SRPK2: variants seen among roughly 807,000 people sequenced by gnomAD.
SRPK2 encodes SFRS protein kinase 2.
A neutral mutation model predicts 90.8 loss-of-function variants in SRPK2; 21 were observed. The ratio of observed to expected loss-of-function variants is 0.23; its 90% CI spans 0.16 to 0.33. The LOEUF is 0.33. Among genes scored for constraint, SRPK2 ranks in the 10% least tolerant of loss-of-function variants. The pLI is 1.00. For synonymous variants in SRPK2, 288 were observed against 311.1 expected, an observed-to-expected ratio of 0.93 and a Z score of 0.78; for missense variants, 620 against 869.0, an observed-to-expected ratio of 0.71 and a Z score of 3.60.
chr7:105,176,775 A>G (rs531290833), intron 3 of SRPK2, among the ~76,000 whole-genome samples: 22 of 142,274 alleles, frequency 1.5e-4, no homozygotes, highest in South Asian at 4.3e-4. Context: ...GTGTGTGTGT[A>G]TATATATATA....
At chr7:105,273,731 T>G (rs968089002) in intron 2 of SRPK2, among the ~76,000 whole-genome samples, 1 of 152,216 alleles carries the variant, frequency 6.6e-6, no homozygotes, top group African/African-American at 2.4e-5. Context: ...TCAGTCCCCA[T>G]GAGACCATTG....
intron 3 of SRPK2, 53 bp from the exon 4 acceptor site, chr7:105,169,318 T>G: frequency 7.4e-7 from 1 of 1,343,302 alleles, no homozygotes; most frequent in South Asian, 1.2e-5. Context: ...AAAGTAGTAA[T>G]AAACATTTCA....
intron 2 of SRPK2, among the ~76,000 whole-genome samples, chr7:105,212,777 C>G (rs915731904): frequency 6.6e-6 from 1 of 152,188 alleles, no homozygotes; most frequent in African/African-American, 2.4e-5. Flanking sequence ...TGATTAAAAA[C>G]TGGAACTCAG....
In SRPK2 at chr7:105,315,373, A is replaced by G. The variant is rs1812198596; in HGVS notation, c.71+73275T>C. ...TTTGAGATGCTGGGCAATTCATTTA[A>G]GCTCTCTGGACCTGTTTCTTAACAG... On this transcript the variant is annotated intron_variant, in intron 2 of 15. Coordinates refer to ENST00000393651, the MANE Select transcript of SRPK2 (RefSeq NM_182692.3). Among the ~76,000 whole-genome samples, 5 of 152,354 alleles carry G rather than the reference A, an allele frequency of 3.3e-5. No individual in the cohort carries two copies. The South Asian group carries it at 1.0e-3, about 32-fold the overall frequency.
intron 3 of SRPK2, among the ~76,000 whole-genome samples, chr7:105,185,632 AG>A (rs568307990): frequency 1.1e-3 from 175 of 152,338 alleles, no homozygotes; most frequent in African/African-American, 4.1e-3. Context: ...AAAATGAGAA[AG>A]AGAAAAAAGG....
At chr7:105,167,262 T>C in intron 6 of SRPK2, 115 bp downstream of exon 6, 2 of 803,434 alleles carry the variant, frequency 2.5e-6, no homozygotes, top group Non-Finnish European at 3.9e-6. Context: ...CTTGACAATG[T>C]TCCTAGAGTG....
chr7:105,266,867 T>C (rs141742878), intron 2 of SRPK2, among the ~76,000 whole-genome samples: 5 of 152,302 alleles, frequency 3.3e-5, no homozygotes, highest in African/African-American at 4.8e-5. Context: ...TTCATTACCA[T>C]ATGACTTTTA....
At chr7:105,306,354 A>C (rs1203211233) in intron 2 of SRPK2, 2 of 361,652 alleles carry the variant, frequency 5.5e-6, no homozygotes, top group Non-Finnish European at 1.1e-5. Context: ...TCAGAATATT[A>C]ACAAAAGTCA....
intron 1 of SRPK2, 29 bp downstream of exon 1, chr7:105,388,761 CG>C: frequency 6.5e-7 from 1 of 1,531,258 alleles, no homozygotes; most frequent in Non-Finnish European, 8.8e-7. Context: ...GGCCGCGTGG[CG>C]GGGAGAGGGC....
intron 7 of SRPK2, among the ~76,000 whole-genome samples, chr7:105,159,188 C>T (rs1249295232): frequency 1.3e-5 from 2 of 151,842 alleles, no homozygotes; most frequent in Non-Finnish European, 2.9e-5. Flanking sequence ...GAATAAGCTG[C>T]CAATTTTCCA....
chr7:105,354,918 T>C (rs1358894583), intron 2 of SRPK2, among the ~76,000 whole-genome samples: 1 of 152,170 alleles, frequency 6.6e-6, no homozygotes, highest in Non-Finnish European at 1.5e-5. Context: ...CCACCAGCTC[T>C]AGGTAACCAT....
chr7:105,380,404 T>C (rs1044672584), intron 2 of SRPK2, among the ~76,000 whole-genome samples: 2 of 152,144 alleles, frequency 1.3e-5, no homozygotes, highest in African/African-American at 4.8e-5. Context: ...CAATGCACTT[T>C]ACATACATGC....
chr7:105,327,284 T>G (rs1813704441), intron 2 of SRPK2, among the ~76,000 whole-genome samples: 1 of 152,232 alleles, frequency 6.6e-6, no homozygotes, highest in Non-Finnish European at 1.5e-5. Context: ...AATTCAAAGT[T>G]CTGTGTCCAT....
intron 2 of SRPK2, among the ~76,000 whole-genome samples, chr7:105,245,266 T>C (rs921572958): frequency 6.6e-6 from 1 of 152,114 alleles, no homozygotes. Flanking sequence ...GATGGTGCTC[T>C]AGGAGGCAGC....
intron 1 of SRPK2, among the ~76,000 whole-genome samples, chr7:105,396,419 C>T (rs184634850): frequency 5.9e-5 from 9 of 151,562 alleles, no homozygotes; most frequent in Admixed American, 3.3e-4. Context: ...AGGCAGATCA[C>T]GAGGTCAGGA....
At chr7:105,387,917 G>T (rs902112540) in intron 2 of SRPK2, among the ~76,000 whole-genome samples, 132 of 152,322 alleles carry the variant, frequency 8.7e-4, no homozygotes, top group Non-Finnish European at 1.4e-3. Flanking sequence ...GCCGCCACGG[G>T]CGCGTTTTCC....
At chr7:105,336,702 AAGCAT>A (rs1453528157) in intron 2 of SRPK2, among the ~76,000 whole-genome samples, 1 of 152,240 alleles carries the variant, frequency 6.6e-6, no homozygotes, top group Non-Finnish European at 1.5e-5. Flanking sequence ...CAGATTTTAA[AAGCAT>A]AACAAATTTA....
intron 2 of SRPK2, among the ~76,000 whole-genome samples, chr7:105,221,600 C>T (rs1435317573): frequency 6.6e-6 from 1 of 152,192 alleles, no homozygotes; most frequent in Non-Finnish European, 1.5e-5. Flanking sequence ...TCACTACTGC[C>T]TCAATTTCCA....
intron 3 of SRPK2, among the ~76,000 whole-genome samples, chr7:105,195,429 G>A (rs2129607424): frequency 6.6e-6 from 1 of 152,300 alleles, no homozygotes; most frequent in East Asian, 1.9e-4. Flanking sequence ...GGTTTTCTGT[G>A]GGGATTTTTG....
Sources: gnomAD v4.1 joint callset for allele counts (sites outside exome capture counted in the v4.1 genomes callset) on GRCh38, gnomAD v4.1.1 for gene constraint, MANE v1.5 for transcripts, NCBI Gene and HGNC (gene_info 2026-07-23, HGNC 2026-07-21) for gene names.